The following CSMD3 variants were observed in gnomAD, a reference collection of about 807,000 sequenced individuals.
CSMD3 encodes CUB and Sushi multiple domains 3.
A neutral mutation model predicts 435.2 loss-of-function variants in CSMD3; 177 were observed. The observed-to-expected ratio is 0.41, with a 90% CI of 0.36 to 0.46. CSMD3 has a LOEUF of 0.46. CSMD3 is among the 20% of genes least tolerant of loss of function. The pLI is 0.34. For synonymous variants in CSMD3, 1,656 were observed against 1,520.5 expected, an observed-to-expected ratio of 1.09 and a Z score of -2.07; for missense variants, 4,265 against 4,504.6, an observed-to-expected ratio of 0.95 and a Z score of 1.52.
At position 112,224,653 on chromosome 8, in the gene CSMD3, G is replaced by A; in HGVS notation, c.*118C>T. The A allele has an allele frequency of 2.1e-6, 2 of 963,904 alleles. No homozygotes were observed. Among genetic ancestry groups the A allele is most frequent in the East Asian group, 4.8e-5 (2 of 41,772 alleles). 59.7% of individuals were successfully genotyped at this position (963,904 alleles called of 1,614,324 possible). A position where few individuals can be genotyped will look rare whatever the true frequency, so the allele number is the denominator to read the frequency against. On this transcript the variant is annotated 3_prime_UTR_variant, in exon 71 of 71. Transcript: ENST00000297405. ...AAACACTCTTCTGTATCATTCCTCA[G>A]GAAAAGGTGACCCAGCAAGTCCTGA...
intron 28 of CSMD3, among the ~76,000 whole-genome samples, chr8:112,513,806 AT>A (rs1823390813): frequency 6.6e-6 from 1 of 151,990 alleles, no homozygotes; most frequent in Admixed American, 6.6e-5. Flanking sequence ...GTTCTTTGTG[AT>A]TTTTTTCCAC....
At chr8:112,431,919 A>T (rs1050588890) in intron 32 of CSMD3, among the ~76,000 whole-genome samples, 3 of 152,120 alleles carry the variant, frequency 2.0e-5, no homozygotes, top group African/African-American at 7.2e-5. Context: ...ACAGCTTGAA[A>T]ATCTTTTCTC....
rs1823768617 is a variant in CSMD3 at position 112,517,222 on chromosome 8, G to T, written c.4568C>A (p.Ser1523Tyr). 3.7e-6 allele frequency: 6 copies of T among 1,612,944 alleles called. No homozygotes were observed. Among genetic ancestry groups the T allele is most frequent in the Non-Finnish European group, 5.1e-6 (6 of 1,179,344 alleles). Residue 1523 changes from serine to tyrosine, a missense_variant, in exon 28 of 71, where the codon TCT (serine) becomes TAT (tyrosine). This residue lies in a region of CSMD3 where 3,255 missense variants were observed against 3,380.2 expected (regional missense o/e 0.96). Transcript: ENST00000297405. The part of the protein sequence containing the change: ...KSGFAIQFSS[S>Y]VATACRDPGV... ...TGGGTCACGACACGCAGTGGCAACA[G>T]AACCTATCAAAAGACAGAGACAAAA...
rs142063222 is a variant in CSMD3, at chr8:113,432,712, TTGAG to T, written c.178+3961_178+3964del. Reference sequence around the variant, plus strand: ...CCCGAGTGCGTCTTAGATAAGTTATTTGAGTGAGGACAGCGCTGCGGTCCGCCTG... The same window carrying T: ...CCCGAGTGCGTCTTAGATAAGTTATTTGAGGACAGCGCTGCGGTCCGCCTG... On this transcript the variant is annotated intron_variant, in intron 1 of 70. Transcript: ENST00000297405. Among the ~76,000 whole-genome samples the T allele has an allele frequency of 3.4e-3, 516 of 152,244 alleles. 5 individuals carry two copies. The highest frequency in any genetic ancestry group is 0.012 in the African/African-American group (484 of 41,544).
chr8:112,925,739 T>C (rs970626891), intron 9 of CSMD3, among the ~76,000 whole-genome samples: 4 of 152,136 alleles, frequency 2.6e-5, no homozygotes, highest in Admixed American at 6.6e-5. Flanking sequence ...TTTTCTACCT[T>C]ACTATTTTAT....
chr8:112,241,867 C>CAT, intron 65 of CSMD3, 82 bp from the exon 66 acceptor site: 1 of 865,692 alleles, frequency 1.2e-6, no homozygotes, highest in Non-Finnish European at 2.0e-6. Context: ...CGCACACACA[C>CAT]ACACAGTGTG....
chr8:113,248,677 T>C lies in CSMD3; in HGVS notation c.514+29915A>G, dbSNP rs79888982. 2.4e-4 allele frequency among the ~76,000 whole-genome samples: 36 copies of C among 151,260 alleles called. No homozygotes were observed. The East Asian group carries it at 7.1e-3, about 30-fold the overall frequency. On this transcript the variant is annotated intron_variant, in intron 3 of 70. Transcript: ENST00000297405. ...CTGGGTCAGATCAAAGAATGACAAATTCTAAATGAGACTTTTCCAATAAGT... is the reference window on the plus strand; with the variant it reads ...CTGGGTCAGATCAAAGAATGACAAACTCTAAATGAGACTTTTCCAATAAGT...
intron 1 of CSMD3, among the ~76,000 whole-genome samples, chr8:113,433,722 G>A (rs1457302377): frequency 6.6e-6 from 1 of 152,204 alleles, no homozygotes; most frequent in African/African-American, 2.4e-5. Context: ...CCACTGACAA[G>A]CAGCGTGGGA....
intron 13 of CSMD3, among the ~76,000 whole-genome samples, chr8:112,697,260 A>G (rs180747066): frequency 2.0e-5 from 3 of 152,168 alleles, no homozygotes; most frequent in Admixed American, 6.5e-5. Flanking sequence ...TCATGCTGCT[A>G]TAAAGACACA....
chr8:112,857,717 T>C (rs1363170334), intron 11 of CSMD3, among the ~76,000 whole-genome samples: 1 of 146,450 alleles, frequency 6.8e-6, no homozygotes, highest in Admixed American at 6.7e-5. Context: ...AGTATCTCCC[T>C]CATGAGAGAC....
intron 30 of CSMD3, among the ~76,000 whole-genome samples, chr8:112,499,457 G>T (rs767574218): frequency 9.2e-5 from 14 of 151,958 alleles, no homozygotes; most frequent in Non-Finnish European, 1.8e-4. Context: ...GAGTTTATTG[G>T]ATGTATATAA....
In CSMD3 at chr8:113,324,011, C is replaced by T. The variant is rs545980547; in HGVS notation, c.179-9218G>A. Among the ~76,000 whole-genome samples, 5 of 152,274 alleles carry T rather than the reference C, an allele frequency of 3.3e-5. No homozygotes were observed. In the East Asian group the frequency reaches 9.7e-4, roughly 29 times the overall value. On this transcript the variant is annotated intron_variant, in intron 1 of 70. Coordinates refer to ENST00000297405, the MANE Select transcript of CSMD3 (RefSeq NM_198123.2). Reference sequence around the variant, plus strand: ...GGCTGTGTCCCCACCCAAATCTCATCTTGAACTTGAGAGAGATGATTTAGG... The same window carrying T: ...GGCTGTGTCCCCACCCAAATCTCATTTTGAACTTGAGAGAGATGATTTAGG...
intron 2 of CSMD3, among the ~76,000 whole-genome samples, chr8:113,283,173 G>C (rs1851342): frequency 0.24 from 36,272 of 151,956 alleles, 5,733 homozygotes; most frequent in East Asian, 0.7. Context: ...CATTGGCTTA[G>C]GCAAGGATTT....
intron 10 of CSMD3, among the ~76,000 whole-genome samples, chr8:112,865,013 T>G (rs921623377): frequency 6.6e-6 from 1 of 152,182 alleles, no homozygotes; most frequent in African/African-American, 2.4e-5. Context: ...AACCAATACC[T>G]GCAGAGACCT....
chr8:112,698,540 T>C (rs73344619), intron 13 of CSMD3, among the ~76,000 whole-genome samples: 2,654 of 152,100 alleles, frequency 0.017, 75 homozygotes, highest in African/African-American at 0.061. Context: ...AAAGATAAGA[T>C]GAAACTGGAA....
chr8:112,770,154 G>A (rs539899122), intron 13 of CSMD3, among the ~76,000 whole-genome samples: 5 of 151,886 alleles, frequency 3.3e-5, no homozygotes, highest in African/African-American at 9.7e-5. Context: ...CATACAACTC[G>A]TTGGCTCCAT....
At chr8:113,182,526 AAAAAC>A (rs1176053689) in intron 3 of CSMD3, among the ~76,000 whole-genome samples, 2 of 151,770 alleles carry the variant, frequency 1.3e-5, no homozygotes, top group African/African-American at 2.4e-5. Flanking sequence ...TGCCAAAAAA[AAAAAC>A]AAAACAACAA....
Position 112,373,799 on chromosome 8 carries a change from G to A in CSMD3, c.6136+6553C>T, listed in dbSNP as rs114209125. Among the ~76,000 whole-genome samples the A allele has an allele frequency of 3.9e-3, 596 of 152,240 alleles. 4 individuals are homozygous for A. Among genetic ancestry groups the A allele is most frequent in the African/African-American group, 0.014 (564 of 41,536 alleles). The stretch of plus-strand genomic sequence containing the variant: ...ATAGATTATTGGGCGGGCGGGAATC[G>A]ATGTGGTGCTTGGGTAGAGGGCACT... On this transcript the variant is annotated intron_variant, in intron 38 of 70. Transcript: ENST00000297405.
chr8:113,298,230 C>T (rs1158573427), intron 2 of CSMD3, among the ~76,000 whole-genome samples: 1 of 151,920 alleles, frequency 6.6e-6, no homozygotes, highest in African/African-American at 2.4e-5. Context: ...AATTTTCCCC[C>T]ATGATTTTTA....
Sources: gnomAD v4.1 joint callset for allele counts (sites outside exome capture counted in the v4.1 genomes callset) on GRCh38, gnomAD v4.1.1 for gene constraint, gnomAD v4.1.1 regional missense constraint, MANE v1.5 for transcripts, NCBI Gene and HGNC (gene_info 2026-07-23, HGNC 2026-07-21) for gene names.